The following VPS50 variants were observed in gnomAD, a reference collection of about 807,000 sequenced individuals.
VPS50 encodes the protein VPS50 subunit of EARP/GARPII complex.
A neutral mutation model predicts 139.7 loss-of-function variants in VPS50; 70 were observed. The observed-to-expected ratio is 0.50, with a 90% CI of 0.41 to 0.61. The LOEUF is 0.61. VPS50 is among the 20% of genes least tolerant of loss of function. The pLI, the probability that VPS50 is intolerant of heterozygous loss-of-function variation, is 0.00. For missense variants in VPS50, 921 were observed against 1,133.7 expected (o/e 0.81, Z 2.69); for synonymous variants, 365 against 376.7 (o/e 0.97, Z 0.36).
At chr7:93,351,477 G>A (rs1227989743) in intron 25 of VPS50, among the ~76,000 whole-genome samples, 1 of 152,048 alleles carries the variant, frequency 6.6e-6, no homozygotes, top group Admixed American at 6.6e-5. Flanking sequence ...CTTATAAGCA[G>A]AGCAGTTATT....
At chr7:93,285,419 T>C (rs1236551565) in intron 12 of VPS50, among the ~76,000 whole-genome samples, 4 of 152,250 alleles carry the variant, frequency 2.6e-5, no homozygotes, top group African/African-American at 7.2e-5. Context: ...AGATTTCTTA[T>C]AAGTATTAAA....
intron 20 of VPS50, among the ~76,000 whole-genome samples, chr7:93,322,876 A>G (rs1489472474): frequency 2.0e-5 from 3 of 152,166 alleles, no homozygotes; most frequent in Non-Finnish European, 4.4e-5. Flanking sequence ...AAGTTTGTAA[A>G]TGCAGAAGTT....
intron 20 of VPS50, among the ~76,000 whole-genome samples, chr7:93,322,796 G>A (rs1214946750): frequency 1.3e-5 from 2 of 152,120 alleles, no homozygotes; most frequent in Non-Finnish European, 2.9e-5. Context: ...AAAAGAGACA[G>A]AACTGGGGAC....
chr7:93,290,196 G>A (rs1796609512), intron 12 of VPS50, among the ~76,000 whole-genome samples: 1 of 151,670 alleles, frequency 6.6e-6, no homozygotes, highest in African/African-American at 2.4e-5. Flanking sequence ...GGAATTTCTG[G>A]GCATATTTTT....
intron 21 of VPS50, among the ~76,000 whole-genome samples, chr7:93,330,023 C>G (rs1797888890): frequency 6.6e-6 from 1 of 152,078 alleles, no homozygotes; most frequent in Non-Finnish European, 1.5e-5. Flanking sequence ...TCTTTTTCCA[C>G]TTTCTTTATA....
intron 26 of VPS50, among the ~76,000 whole-genome samples, chr7:93,355,603 C>T (rs1015957184): frequency 2.0e-5 from 3 of 151,980 alleles, no homozygotes; most frequent in Non-Finnish European, 4.4e-5. Flanking sequence ...TTCTTACAGA[C>T]AATTATGTTG....
intron 2 of VPS50, among the ~76,000 whole-genome samples, chr7:93,244,756 A>T (rs1795099710): frequency 1.3e-5 from 2 of 151,840 alleles, no homozygotes; most frequent in African/African-American, 2.4e-5. Context: ...AGGATTATGT[A>T]TCATTTAGGA....
chr7:93,236,284 G>A (rs1160766486), intron 1 of VPS50, among the ~76,000 whole-genome samples: 1 of 152,174 alleles, frequency 6.6e-6, no homozygotes. Context: ...TGAAGTTGTG[G>A]GGAGGAAAGC....
At chr7:93,270,142 G>A (rs888668144) in intron 9 of VPS50, among the ~76,000 whole-genome samples, 2 of 150,184 alleles carry the variant, frequency 1.3e-5, no homozygotes, top group African/African-American at 4.9e-5. Context: ...TACTGACCTC[G>A]TAAGAATTAA....
intron 12 of VPS50, 144 bp downstream of exon 12, chr7:93,276,449 TCTTTTC>T: frequency 7.8e-7 from 1 of 1,289,882 alleles, no homozygotes; most frequent in East Asian, 2.6e-5. Context: ...CCCAAGTTGT[TCTTTTC>T]CTTATAGAGA....
rs905263430 is a variant in VPS50, at chr7:93,359,030, G to A, written c.*594G>A. On this transcript the variant is annotated 3_prime_UTR_variant, in exon 28 of 28. Coordinates refer to ENST00000305866, the MANE Select transcript of VPS50 (RefSeq NM_017667.4). ...ATACTCTAGTATGATCAGCCTATGT[G>A]AGACTACATTTTGATTTTTTGTGTG... 3.9e-5 allele frequency: 6 copies of A among 152,164 alleles called. No individual in the cohort carries two copies. Among genetic ancestry groups the A allele is most frequent in the Non-Finnish European group, 5.9e-5 (4 of 68,062 alleles). 9.4% of individuals were successfully genotyped at this position (152,164 alleles called of 1,614,324 possible).
At chr7:93,347,217 A>G (rs1448057937) in intron 23 of VPS50, among the ~76,000 whole-genome samples, 2 of 146,912 alleles carry the variant, frequency 1.4e-5, no homozygotes, top group African/African-American at 2.5e-5. Context: ...CAAAAAACAC[A>G]TGAAAAAATG....
At position 93,232,508 on chromosome 7, in the gene VPS50, G is replaced by T; in HGVS notation, c.33+8G>T. Reference sequence around the variant, plus strand: ...TCTCTCATGACCCGACAGGTAAGTCGCGGCGGCTGAAGCAAAGGCTTCCTT... The same window carrying T: ...TCTCTCATGACCCGACAGGTAAGTCTCGGCGGCTGAAGCAAAGGCTTCCTT... On this transcript the variant is annotated splice_region_variant and intron_variant, in intron 1 of 27. Coordinates refer to ENST00000305866, the MANE Select transcript of VPS50 (RefSeq NM_017667.4). 6.2e-7 allele frequency: 1 copy of T among 1,612,640 alleles called. No homozygotes were observed. Among genetic ancestry groups the T allele is most frequent in the Non-Finnish European group, 8.5e-7 (1 of 1,178,818 alleles).
At chr7:93,326,459 AAAAAT>A (rs1199144272) in intron 21 of VPS50, among the ~76,000 whole-genome samples, 39 of 150,068 alleles carry the variant, frequency 2.6e-4, no homozygotes, top group East Asian at 5.8e-4. Flanking sequence ...ATAATAAAAA[AAAAAT>A]AAAATAAAAT....
chr7:93,251,954 A>T (rs759443141), intron 2 of VPS50, among the ~76,000 whole-genome samples: 1 of 152,196 alleles, frequency 6.6e-6, no homozygotes, highest in Non-Finnish European at 1.5e-5. Flanking sequence ...GTGAAATTGC[A>T]TAGGATAGGG....
intron 22 of VPS50, among the ~76,000 whole-genome samples, chr7:93,338,589 A>G (rs1357558664): frequency 2.0e-5 from 3 of 152,158 alleles, no homozygotes; most frequent in Non-Finnish European, 2.9e-5. Flanking sequence ...GGGGAAGCCA[A>G]ACAAAACTCC....
At chr7:93,347,994 GA>G (rs958909108) in intron 23 of VPS50, among the ~76,000 whole-genome samples, 116 of 148,186 alleles carry the variant, frequency 7.8e-4, no homozygotes, top group Admixed American at 3.8e-3. Context: ...TTAAAAAAAA[GA>G]AAAAAAAAAG....
In VPS50 at chr7:93,239,995, G is replaced by A. The variant is rs374455272; in HGVS notation, c.102+61G>A. 1.8e-5 allele frequency: 17 copies of A among 956,774 alleles called. No individual in the cohort carries two copies. In the African/African-American group the frequency reaches 2.0e-4, roughly 11 times the overall value. The allele number at this position is 956,774 out of a possible 1,614,324, so 59.3% of individuals were successfully genotyped here. On this transcript the variant is annotated intron_variant, in intron 2 of 27. Coordinates refer to ENST00000305866, the MANE Select transcript of VPS50 (RefSeq NM_017667.4). The stretch of plus-strand genomic sequence containing the variant: ...TCCTTAAGAAAATATGATTGCCTCT[G>A]GATAGTAATTGATTCACAGAAGCTT...
chr7:93,241,252 G>A (rs1212164952), intron 2 of VPS50, among the ~76,000 whole-genome samples: 2 of 152,072 alleles, frequency 1.3e-5, no homozygotes, highest in African/African-American at 2.4e-5. Context: ...CTGGTTGGTA[G>A]TGAATATGGT....
Sources: allele counts gnomAD v4.1 joint callset (sites outside exome capture counted in the v4.1 genomes callset), GRCh38; gene constraint gnomAD v4.1.1; transcripts MANE v1.5; gene names NCBI Gene and HGNC (gene_info 2026-07-23, HGNC 2026-07-21).